The following FOCAD variants were observed in gnomAD, a reference collection of about 807,000 sequenced individuals.
The protein encoded by FOCAD is KIAA1797.
FOCAD carries 198 observed loss-of-function variants against 225.6 expected under a neutral mutation model. That is an observed-to-expected ratio of 0.88 (90% confidence interval 0.78 to 0.99). The LOEUF (loss-of-function observed/expected upper bound fraction) is 0.99, where lower values mean the gene tolerates loss of function less well. FOCAD is among the 50% of genes least tolerant of loss of function. FOCAD has a pLI of 0.00. For synonymous variants in FOCAD, 897 were observed against 755.0 expected (o/e 1.19, Z -3.08); for missense variants, 2,713 against 2,123.6 (o/e 1.28, Z -5.46).
chr9:20,976,041 T>C (rs1449413351), intron 35 of FOCAD, among the ~76,000 whole-genome samples: 3 of 152,130 alleles, frequency 2.0e-5, no homozygotes, highest in African/African-American at 7.2e-5. Flanking sequence ...AATTGTTATT[T>C]CCAAATAGCT....
upstream of FOCAD, chr9:20,683,180 TC>T (rs1226601928): frequency 6.6e-6 from 1 of 152,192 alleles, no homozygotes; most frequent in Non-Finnish European, 1.5e-5. Flanking sequence ...ACCAAATTCT[TC>T]CTACAAATGA....
chr9:20,752,539 C>G (rs1341500909), intron 5 of FOCAD, among the ~76,000 whole-genome samples: 1 of 152,130 alleles, frequency 6.6e-6, no homozygotes, highest in African/African-American at 2.4e-5. Context: ...GGTACCAGTA[C>G]CATGCTGTTT....
At chr9:20,953,216 T>C in intron 35 of FOCAD, 151 bp downstream of exon 35, 1 of 620,432 alleles carries the variant, frequency 1.6e-6, no homozygotes, top group South Asian at 2.0e-5. Flanking sequence ...GCAATAGAGA[T>C]GACCAGCAGC....
intron 35 of FOCAD, among the ~76,000 whole-genome samples, chr9:20,973,947 A>C (rs1209716758): frequency 1.1e-5 from 1 of 87,866 alleles, no homozygotes; most frequent in African/African-American, 4.2e-5. Context: ...CCTTTTTCCT[A>C]TGTTTCTCCT....
rs978327700 is a variant in FOCAD at position 20,740,170 on chromosome 9, A to G, written c.288-66A>G. ...ATTAAAATTATTTTAAAATGATAGG[A>G]TTAAGCACCTGATTAGAATATTCAC... On this transcript the variant is annotated intron_variant, in intron 4 of 43. Transcript: ENST00000338382. 5.8e-6 allele frequency: 6 copies of G among 1,033,156 alleles called. No individual in the cohort carries two copies. In the African/African-American group the frequency reaches 8.0e-5, roughly 14 times the overall value. 64.0% of individuals were successfully genotyped at this position (1,033,156 alleles called of 1,614,324 possible). A position where few individuals can be genotyped will look rare whatever the true frequency, so the allele number is the denominator to read the frequency against.
intron 5 of FOCAD, among the ~76,000 whole-genome samples, chr9:20,757,870 A>G (rs1389830058): frequency 6.6e-6 from 1 of 152,182 alleles, no homozygotes; most frequent in African/African-American, 2.4e-5. Context: ...TCCTGTGTCC[A>G]TTTTGTTTTC....
chr9:20,803,872 C>G (rs1822113605), intron 11 of FOCAD, among the ~76,000 whole-genome samples: 1 of 152,116 alleles, frequency 6.6e-6, no homozygotes, highest in South Asian at 2.1e-4. Context: ...GAAGTCAAGC[C>G]TAGCAGCATC....
At chr9:20,969,845 T>C (rs1166313170) in intron 35 of FOCAD, among the ~76,000 whole-genome samples, 1 of 151,906 alleles carries the variant, frequency 6.6e-6, no homozygotes, top group Non-Finnish European at 1.5e-5. Context: ...GTCCTTTTAT[T>C]TTAGCCTTGA....
At chr9:20,801,028 T>G (rs916783243) in intron 11 of FOCAD, among the ~76,000 whole-genome samples, 1 of 152,180 alleles carries the variant, frequency 6.6e-6, no homozygotes, top group Non-Finnish European at 1.5e-5. Context: ...GGGGTTTTGG[T>G]GTGGATGTCC....
At position 20,990,242 on chromosome 9, in the gene FOCAD, G is replaced by A. The variant is rs370546418; in HGVS notation, c.5124G>A (p.Pro1708=). The change falls in exon 42 of 44, where the codon CCG becomes CCA. Residue 1708 remains proline (P), a synonymous_variant. Coordinates refer to ENST00000338382, the MANE Select transcript of FOCAD (RefSeq NM_001375567.1). Reference sequence around the variant, plus strand: ...TGCCATGGCATCAGGAGAATGGCCCGGCTGGGCCAGTACCAAGCTTCCTTG... The same window carrying A: ...TGCCATGGCATCAGGAGAATGGCCCAGCTGGGCCAGTACCAAGCTTCCTTG... ...SWLPWHQENG[P]AGPVPSFLGR... is the part of the protein sequence containing the mutation. The A allele has an allele frequency of 2.2e-5, 36 of 1,614,178 alleles. 1 individual carries two copies. The highest frequency in any genetic ancestry group is 1.5e-4 in the South Asian group (14 of 91,084).
intron 28 of FOCAD, among the ~76,000 whole-genome samples, chr9:20,938,243 G>T (rs1390501652): frequency 1.3e-5 from 2 of 152,266 alleles, no homozygotes; most frequent in East Asian, 3.9e-4. Context: ...TATACCCAAA[G>T]GTTTATAAAT....
At position 20,954,912 on chromosome 9, in the gene FOCAD, A is replaced by T. The variant is rs533711967; in HGVS notation, c.4132+1847A>T. Among the ~76,000 whole-genome samples the T allele has an allele frequency of 2.5e-4, 38 of 152,188 alleles. No individual in the cohort carries two copies. The South Asian group carries it at 6.0e-3, about 24-fold the overall frequency. ...AGCCCATTTACAAAAACAAAACCAG[A>T]CCCTGCTCTGTGGGGCTAAATGGGA... On this transcript the variant is annotated intron_variant, in intron 35 of 43. Transcript: ENST00000338382.
intron 21 of FOCAD, among the ~76,000 whole-genome samples, chr9:20,889,083 A>G (rs950390892): frequency 2.6e-5 from 4 of 152,076 alleles, no homozygotes; most frequent in East Asian, 1.9e-4. Context: ...TTTTAGAACA[A>G]TTTCATTACC....
intron 15 of FOCAD, among the ~76,000 whole-genome samples, chr9:20,858,541 T>C (rs1564079398): frequency 6.6e-6 from 1 of 152,154 alleles, no homozygotes; most frequent in Non-Finnish European, 1.5e-5. Context: ...ACTCATCTTT[T>C]CAAGAAACCA....
chr9:20,904,155 T>C (rs1832766942), intron 21 of FOCAD, among the ~76,000 whole-genome samples: 1 of 152,032 alleles, frequency 6.6e-6, no homozygotes, highest in Non-Finnish European at 1.5e-5. Flanking sequence ...TTCTAGTTTT[T>C]CCGTTGATGG....
At chr9:20,907,384 G>C in intron 22 of FOCAD, 142 bp downstream of exon 22, 1 of 721,150 alleles carries the variant, frequency 1.4e-6, no homozygotes. Flanking sequence ...ATAAAAGAAT[G>C]TGAGGCATAT....
At chr9:20,733,408 A>G (rs1826873915) in intron 4 of FOCAD, among the ~76,000 whole-genome samples, 1 of 152,052 alleles carries the variant, frequency 6.6e-6, no homozygotes, top group African/African-American at 2.4e-5. Context: ...CACAATGTGC[A>G]GGTTAGTTAC....
At chr9:20,935,496 G>T (rs1466080901) in intron 28 of FOCAD, among the ~76,000 whole-genome samples, 1 of 152,172 alleles carries the variant, frequency 6.6e-6, no homozygotes, top group Admixed American at 6.5e-5. Context: ...CGCCTCCCGA[G>T]TTCAAGTGAT....
In FOCAD at chr9:20,929,486, G is replaced by A. The variant is rs139445141; in HGVS notation, c.3207G>A (p.Leu1069=). The A allele has an allele frequency of 1.5e-5, 24 of 1,614,124 alleles. No individual in the cohort carries two copies. The African/African-American group carries it at 2.9e-4, about 20-fold the overall frequency. The change falls in exon 27 of 44, where the codon CTG becomes CTA. Residue 1069 remains leucine, a synonymous_variant. Coordinates refer to ENST00000338382, the MANE Select transcript of FOCAD (RefSeq NM_001375567.1). Reference sequence around the variant, plus strand: ...AGGTTGAGGAAATCCTGAACATGCTGACTGCCAGGTTACCTGGGAAACCAA... The same window carrying A: ...AGGTTGAGGAAATCCTGAACATGCTAACTGCCAGGTTACCTGGGAAACCAA... ...KEKVEEILNM[L]TARLPGKPSA... is the part of the protein sequence containing the mutation.
Sources: gnomAD v4.1 joint callset for allele counts (sites outside exome capture counted in the v4.1 genomes callset) on GRCh38, gnomAD v4.1.1 for gene constraint, MANE v1.5 for transcripts, NCBI Gene and HGNC (gene_info 2026-07-23, HGNC 2026-07-21) for gene names.